The following KLHL28 variants were observed in gnomAD, a reference collection of about 807,000 sequenced individuals.
KLHL28 encodes kelch-like protein 28.
KLHL28 carries 22 observed loss-of-function variants against 48.3 expected under a neutral mutation model. The observed-to-expected ratio is 0.46, with a 90% CI of 0.33 to 0.65. The LOEUF is 0.65. Among genes scored for constraint, KLHL28 ranks in the 30% least tolerant of loss-of-function variants. The pLI, the probability that KLHL28 is intolerant of heterozygous loss-of-function variation, is 0.03. For synonymous variants in KLHL28, 243 were observed against 242.4 expected (o/e 1.00, Z -0.02); for missense variants, 527 against 704.3 (o/e 0.75, Z 2.85).
At chr14:44,936,043 G>A (rs1883813898) in intron 2 of KLHL28, among the ~76,000 whole-genome samples, 1 of 151,044 alleles carries the variant, frequency 6.6e-6, no homozygotes, top group African/African-American at 2.4e-5. Flanking sequence ...CCTATTTAAA[G>A]TCAGTTTTTA....
chr14:44,925,371 C>A lies in KLHL28; in HGVS notation c.*3657G>T, dbSNP rs1364085915. Reference sequence around the variant, plus strand: ...ATATATTTAAAATTTCTATAGTTTTCTTACTAGAAAATACATTATCCAATT... The same window carrying A: ...ATATATTTAAAATTTCTATAGTTTTATTACTAGAAAATACATTATCCAATT... On this transcript the variant is annotated 3_prime_UTR_variant, in exon 5 of 5. Coordinates refer to ENST00000396128, the MANE Select transcript of KLHL28 (RefSeq NM_017658.5). 6.6e-6 allele frequency: 1 copy of A among 152,056 alleles called. No homozygotes were observed. The highest frequency in any genetic ancestry group is 2.4e-5 in the African/African-American group (1 of 41,434). 9.4% of individuals were successfully genotyped at this position (152,056 alleles called of 1,614,324 possible).
At position 44,929,151 on chromosome 14, in the gene KLHL28, G is replaced by A. The variant is rs766757580; in HGVS notation, c.1593C>T (p.Val531=). Residue 531 remains valine, a synonymous_variant, in exon 5 of 5, where the codon GTC becomes GTT. Transcript: ENST00000396128. ...AAVIDNYLYV[V]GGHSGSSYLN... is the part of the protein sequence containing the mutation. ...GATAGGAAGACCCTGAGTGACCACCGACGACATAAAGGTAGTTATCGATTA... is the reference window on the plus strand; with the variant it reads ...GATAGGAAGACCCTGAGTGACCACCAACGACATAAAGGTAGTTATCGATTA... The A allele has an allele frequency of 3.7e-6, 6 of 1,612,152 alleles. No individual in the cohort carries two copies. The highest frequency in any genetic ancestry group is 3.3e-5 in the Admixed American group (2 of 59,854).
In KLHL28 at chr14:44,933,309, CTTTCTTT is replaced by C. The variant is rs569418564; in HGVS notation, c.1343+799_1343+805del. 6.8e-3 allele frequency among the ~76,000 whole-genome samples: 1,014 copies of C among 148,412 alleles called. 22 individuals are homozygous for C. The highest frequency in any genetic ancestry group is 5.7e-3 in the Non-Finnish European group (384 of 67,250). On this transcript the variant is annotated intron_variant, in intron 3 of 4. Coordinates refer to ENST00000396128, the MANE Select transcript of KLHL28 (RefSeq NM_017658.5). The stretch of plus-strand genomic sequence containing the variant: ...AAAGATACAATCTTTTCTTTTCTTT[CTTTCTTT>C]TTTTTTTTTTTTGAGACAGGGTCTC...
intron 1 of KLHL28, among the ~76,000 whole-genome samples, chr14:44,951,818 C>T (rs1328823922): frequency 6.6e-6 from 1 of 152,188 alleles, no homozygotes; most frequent in Non-Finnish European, 1.5e-5. Context: ...AAATGAATTA[C>T]ACTAGCAGTT....
intron 1 of KLHL28, among the ~76,000 whole-genome samples, chr14:44,947,598 C>T (rs1405027995): frequency 6.6e-6 from 1 of 152,066 alleles, no homozygotes; most frequent in Non-Finnish European, 1.5e-5. Flanking sequence ...CGAAAAAGTA[C>T]ATTTGGTTTC....
intron 4 of KLHL28, among the ~76,000 whole-genome samples, chr14:44,930,420 G>A (rs150751408): frequency 8.5e-4 from 129 of 151,998 alleles, no homozygotes; most frequent in African/African-American, 2.6e-3. Context: ...ATGTGCCACC[G>A]CACCAGGCTA....
chr14:44,931,847 C>T (rs949766266), intron 3 of KLHL28, among the ~76,000 whole-genome samples: 2 of 152,018 alleles, frequency 1.3e-5, no homozygotes, highest in African/African-American at 2.4e-5. Flanking sequence ...TAGGGCTGAA[C>T]GAACCTTAAC....
At chr14:44,936,336 G>A (rs1883823119) in intron 2 of KLHL28, among the ~76,000 whole-genome samples, 2 of 152,084 alleles carry the variant, frequency 1.3e-5, no homozygotes, top group Non-Finnish European at 2.9e-5. Context: ...AGAGGGAGAA[G>A]ATGATGATAT....
At chr14:44,946,055 C>T (rs1247888350) in intron 1 of KLHL28, 127 bp from the exon 2 acceptor site, 1 of 711,272 alleles carries the variant, frequency 1.4e-6, no homozygotes, top group Non-Finnish European at 2.3e-6. Flanking sequence ...TTAAATACTT[C>T]ATAGTAAATA....
intron 4 of KLHL28, 89 bp downstream of exon 4, chr14:44,931,244 A>T: frequency 1.4e-6 from 1 of 690,270 alleles, no homozygotes; most frequent in Non-Finnish European, 2.3e-6. Context: ...TAATATTCCT[A>T]CTGCTATATT....
intron 1 of KLHL28, among the ~76,000 whole-genome samples, chr14:44,949,332 C>T (rs913858962): frequency 5.3e-5 from 8 of 152,030 alleles, no homozygotes; most frequent in African/African-American, 1.7e-4. Flanking sequence ...ATGTTACAGA[C>T]TAGGTTTGTT....
intron 1 of KLHL28, among the ~76,000 whole-genome samples, chr14:44,960,271 G>T (rs1200108905): frequency 1.3e-5 from 2 of 152,178 alleles, no homozygotes; most frequent in Admixed American, 6.5e-5. Context: ...GTGATTCCAT[G>T]ATTACCACAC....
At chr14:44,933,988 G>C (rs572840519) in intron 3 of KLHL28, 127 bp downstream of exon 3, 242 of 640,834 alleles carry the variant, frequency 3.8e-4, no homozygotes, top group Non-Finnish European at 6.0e-4. Context: ...TATCCATGGA[G>C]CAGATTAAGT....
chr14:44,945,017 G>C lies in KLHL28; in HGVS notation c.899+13C>G. ...CAATTAGCATCATTCATTTAGGAAA[G>C]CCTTCTATTTACCTATCCAAACAGG... On this transcript the variant is annotated intron_variant, in intron 2 of 4. Coordinates refer to ENST00000396128, the MANE Select transcript of KLHL28 (RefSeq NM_017658.5). The C allele has an allele frequency of 6.5e-7, 1 of 1,535,698 alleles. No individual in the cohort carries two copies. Among genetic ancestry groups the C allele is most frequent in the Non-Finnish European group, 8.9e-7 (1 of 1,129,684 alleles).
chr14:44,925,270 C>T lies in KLHL28; in HGVS notation c.*3758G>A, dbSNP rs1261622770. On this transcript the variant is annotated 3_prime_UTR_variant, in exon 5 of 5. Coordinates refer to ENST00000396128, the MANE Select transcript of KLHL28 (RefSeq NM_017658.5). ...GGTGACAATACCAGGAATCCAACAC[C>T]AAAACTGAAAATAAACACAACATGT... is the stretch of plus-strand genomic sequence containing the variant. 6.6e-6 allele frequency: 1 copy of T among 151,970 alleles called. No individual in the cohort carries two copies. Among genetic ancestry groups the T allele is most frequent in the African/African-American group, 2.4e-5 (1 of 41,394 alleles). 9.4% of individuals were successfully genotyped at this position (151,970 alleles called of 1,614,324 possible).
intron 1 of KLHL28, among the ~76,000 whole-genome samples, chr14:44,947,272 C>T (rs1175649001): frequency 1.3e-5 from 2 of 152,036 alleles, no homozygotes; most frequent in African/African-American, 4.8e-5. Context: ...TGGCAGTCAC[C>T]AGAAGCTAGA....
At chr14:44,940,582 A>C (rs970051572) in intron 2 of KLHL28, among the ~76,000 whole-genome samples, 2 of 152,288 alleles carry the variant, frequency 1.3e-5, no homozygotes, top group Non-Finnish European at 2.9e-5. Context: ...CTTCTCTAGC[A>C]GGCCTCCTCT....
chr14:44,942,128 A>C (rs962578244), intron 2 of KLHL28, among the ~76,000 whole-genome samples: 13 of 152,152 alleles, frequency 8.5e-5, no homozygotes, highest in African/African-American at 3.1e-4. Context: ...CAATGTGTCC[A>C]AAACTCTTCC....
intron 1 of KLHL28, among the ~76,000 whole-genome samples, chr14:44,952,723 T>G (rs1244276874): frequency 6.6e-6 from 1 of 152,066 alleles, no homozygotes; most frequent in Non-Finnish European, 1.5e-5. Flanking sequence ...CCTTCAAAAT[T>G]ATACATGGCA....
Sources: allele counts gnomAD v4.1 joint callset (sites outside exome capture counted in the v4.1 genomes callset), GRCh38; gene constraint gnomAD v4.1.1; transcripts MANE v1.5; gene names NCBI Gene and HGNC (gene_info 2026-07-23, HGNC 2026-07-21).